RAB3IL1: variants seen among roughly 807,000 people sequenced by gnomAD.
The protein encoded by RAB3IL1 is RAB3A interacting protein like 1, also known as guanine nucleotide exchange factor for Rab-3A.
Under a neutral mutation model 49.2 loss-of-function variants are expected in RAB3IL1, and 37 were observed. That is an observed-to-expected ratio of 0.75 (90% confidence interval 0.58 to 0.99). The LOEUF (loss-of-function observed/expected upper bound fraction) is 0.99, where lower values mean the gene tolerates loss of function less well. Ranked by LOEUF, RAB3IL1 falls within the 50% of genes least tolerant of loss-of-function variation. RAB3IL1 has a pLI of 0.00. For synonymous variants in RAB3IL1, 193 were observed against 213.9 expected (o/e 0.90, Z 0.85); for missense variants, 484 against 513.0 (o/e 0.94, Z 0.55).
intron 2 of RAB3IL1, 83 bp from the exon 3 acceptor site, chr11:61,907,743 C>T (rs572706292): frequency 8.0e-7 from 1 of 1,256,970 alleles, no homozygotes; most frequent in East Asian, 2.4e-5. Context: ...GGACCAGGTT[C>T]CATCCCCTCG....
At chr11:61,913,732 C>T (rs1487652269) in intron 1 of RAB3IL1, among the ~76,000 whole-genome samples, 2 of 152,178 alleles carry the variant, frequency 1.3e-5, no homozygotes, top group Non-Finnish European at 2.9e-5. Flanking sequence ...ATACTGAGCA[C>T]CCATTATGTG....
At chr11:61,904,413 T>C (rs1939068398) in intron 7 of RAB3IL1, 133 bp downstream of exon 7, 2 of 927,314 alleles carry the variant, frequency 2.2e-6, no homozygotes, top group African/African-American at 3.3e-5. Context: ...AACTGCCTCC[T>C]TGCCCTGTGG....
chr11:61,940,616 A>T, the RAB3IL1 span, among the ~76,000 whole-genome samples: 1 of 151,324 alleles, frequency 6.6e-6, no homozygotes, highest in East Asian at 1.9e-4. Flanking sequence ...GTGAGACCCT[A>T]TCTCTACAAA....
At chr11:61,927,220 G>A in the RAB3IL1 span, among the ~76,000 whole-genome samples, 4 of 151,342 alleles carry the variant, frequency 2.6e-5, no homozygotes, top group African/African-American at 4.9e-5. Context: ...TGACATGCAT[G>A]CCCCCCCCTT....
rs3815045 is a variant in RAB3IL1, at chr11:61,902,474, G to A, written c.967C>T (p.His323Tyr). The part of the protein sequence containing the change: ...HRIRLGDSKS[H>Y]YYISPSSRAR... ...CGGGAAGATGGCGAGATGTAGTAAT[G>A]GCTTTTGGAGTCCCCGAGCCGGATT... The change falls in exon 8 of 10, where the codon CAT becomes TAT. Residue 323 changes from histidine to tyrosine, a missense_variant. Coordinates refer to ENST00000394836, the MANE Select transcript of RAB3IL1 (RefSeq NM_013401.4). 79,852 of 1,601,276 alleles carry A rather than the reference G, an allele frequency of 0.05. 7,327 individuals are homozygous for A. Among genetic ancestry groups the A allele is most frequent in the East Asian group, 0.36 (15,767 of 44,256 alleles).
At chr11:61,902,083 G>A (rs1565357776) in intron 8 of RAB3IL1, among the ~76,000 whole-genome samples, 1 of 152,206 alleles carries the variant, frequency 6.6e-6, no homozygotes, top group African/African-American at 2.4e-5. Context: ...GGGAGGCCGA[G>A]GCAGGCAGAT....
intron 8 of RAB3IL1, among the ~76,000 whole-genome samples, chr11:61,900,597 G>A (rs949317336): frequency 6.6e-6 from 1 of 152,174 alleles, no homozygotes; most frequent in Non-Finnish European, 1.5e-5. Context: ...GACAGGAGCA[G>A]GGACAGTGGA....
In RAB3IL1 at chr11:61,913,153, G is replaced by A. The variant is rs1482003428; in HGVS notation, c.11+4204C>T. Among the ~76,000 whole-genome samples the A allele has an allele frequency of 3.3e-5, 5 of 152,094 alleles. No individual in the cohort carries two copies. In the East Asian group the frequency reaches 9.6e-4, roughly 29 times the overall value. On this transcript the variant is annotated intron_variant, in intron 1 of 9. Coordinates refer to ENST00000394836, the MANE Select transcript of RAB3IL1 (RefSeq NM_013401.4). Reference sequence around the variant, plus strand: ...TGGTTTCGGGGAGCAGCTGCAGCCTGAGCCTGGATGAGGGGCTGTCAGGGA... The same window carrying A: ...TGGTTTCGGGGAGCAGCTGCAGCCTAAGCCTGGATGAGGGGCTGTCAGGGA...
chr11:61,909,197 G>C (rs1939351814), intron 1 of RAB3IL1, among the ~76,000 whole-genome samples: 1 of 152,210 alleles, frequency 6.6e-6, no homozygotes, highest in Non-Finnish European at 1.5e-5. Context: ...GGCTGGGGAT[G>C]GGGGGCTGGG....
At chr11:61,939,021 A>T in the RAB3IL1 span, among the ~76,000 whole-genome samples, 1 of 152,044 alleles carries the variant, frequency 6.6e-6, no homozygotes, top group Non-Finnish European at 1.5e-5. Context: ...AGAACTACAC[A>T]CTAGATAAGG....
At chr11:61,927,269 T>C in the RAB3IL1 span, among the ~76,000 whole-genome samples, 33 of 152,134 alleles carry the variant, frequency 2.2e-4, no homozygotes, top group African/African-American at 7.7e-4. Context: ...GAGGCCCTTA[T>C]CAGAAGGAGA....
At position 61,908,045 on chromosome 11, in the gene RAB3IL1, G is replaced by C. The variant is rs368632812; in HGVS notation, c.264+9C>G. The C allele has an allele frequency of 3.7e-6, 6 of 1,602,128 alleles. No homozygotes were observed. Among genetic ancestry groups the C allele is most frequent in the Non-Finnish European group, 5.1e-6 (6 of 1,172,782 alleles). Reference sequence around the variant, plus strand: ...ACCGAAGACCCCCCAGCCTACTGCAGGCACCCACCTTCTGCGCTCTGTGCA... The same window carrying C: ...ACCGAAGACCCCCCAGCCTACTGCACGCACCCACCTTCTGCGCTCTGTGCA... On this transcript the variant is annotated intron_variant, in intron 2 of 9. Coordinates refer to ENST00000394836, the MANE Select transcript of RAB3IL1 (RefSeq NM_013401.4).
chr11:61,909,577 C>T (rs1565364462), intron 1 of RAB3IL1, among the ~76,000 whole-genome samples: 1 of 152,214 alleles, frequency 6.6e-6, no homozygotes, highest in African/African-American at 2.4e-5. Flanking sequence ...CTGGGTCCTG[C>T]CTGGCAGGGA....
At chr11:61,911,417 A>T (rs917801872) in intron 1 of RAB3IL1, among the ~76,000 whole-genome samples, 2 of 152,160 alleles carry the variant, frequency 1.3e-5, no homozygotes, top group African/African-American at 4.8e-5. Flanking sequence ...GAGACTCAGA[A>T]ATTTCAAAGA....
intron 1 of RAB3IL1, among the ~76,000 whole-genome samples, chr11:61,914,307 T>A (rs1296433166): frequency 1.3e-5 from 2 of 152,220 alleles, no homozygotes; most frequent in Admixed American, 1.3e-4. Context: ...ATCTCATTCC[T>A]GGGCCATCCA....
upstream of RAB3IL1, among the ~76,000 whole-genome samples, chr11:61,922,447 A>G (rs1368224715): frequency 6.6e-6 from 1 of 151,918 alleles, no homozygotes; most frequent in Non-Finnish European, 1.5e-5. Context: ...GCTTGAACCC[A>G]GGAGGCAGAG....
At chr11:61,903,417 G>A (rs953558062) in intron 7 of RAB3IL1, among the ~76,000 whole-genome samples, 2 of 152,124 alleles carry the variant, frequency 1.3e-5, no homozygotes, top group African/African-American at 4.8e-5. Context: ...ATAAATGAAG[G>A]TTTAAAAAGC....
chr11:61,923,073 G>T (rs573339897), upstream of RAB3IL1, among the ~76,000 whole-genome samples: 1 of 152,240 alleles, frequency 6.6e-6, no homozygotes, highest in Non-Finnish European at 1.5e-5. Context: ...CCTCTTGGCC[G>T]GGGGCGGGAG....
chr11:61,917,211 A>G (rs1939733957), intron 1 of RAB3IL1, 146 bp downstream of exon 1: 3 of 1,229,250 alleles, frequency 2.4e-6, no homozygotes, highest in East Asian at 6.9e-5. Flanking sequence ...TCCTGGCTGC[A>G]AGTCGGCTCG....
Sources: gnomAD v4.1 joint callset for allele counts (sites outside exome capture counted in the v4.1 genomes callset) on GRCh38, gnomAD v4.1.1 for gene constraint, MANE v1.5 for transcripts, NCBI Gene and HGNC (gene_info 2026-07-23, HGNC 2026-07-21) for gene names.